Variants in PCGF1 observed in about 807,000 individuals in gnomAD.
The protein encoded by PCGF1 is polycomb group RING finger protein 1.
Under a neutral mutation model 38.8 loss-of-function variants are expected in PCGF1, and 10 were observed. The ratio of observed to expected loss-of-function variants is 0.26; its 90% CI spans 0.16 to 0.44. The LOEUF is 0.44. Among genes scored for constraint, PCGF1 ranks in the 20% least tolerant of loss-of-function variants. PCGF1 has a pLI of 1.00. For synonymous variants in PCGF1, 119 were observed against 121.3 expected (o/e 0.98, Z 0.12); for missense variants, 230 against 331.5 (o/e 0.69, Z 2.38).
chr2:74,505,366 C>T lies in PCGF1; in HGVS notation c.705G>A (p.Gln235=), dbSNP rs1405672895. The change falls in exon 8 of 9, where the codon CAG becomes CAA. Residue 235 remains glutamine (Q), a synonymous_variant. Transcript: ENST00000233630. The part of the protein sequence containing the change: ...EVLPDHMTMK[Q]IWLSRWFGKP... ...TGCCGAACCAGCGGGAGAGCCATAT[C>T]TGCTTCATTGTCATGTGATCAGGGA... 1 of 1,610,502 alleles carries T rather than the reference C, an allele frequency of 6.2e-7. No individual in the cohort carries two copies. Among genetic ancestry groups the T allele is most frequent in the East Asian group, 2.2e-5 (1 of 44,816 alleles).
chr2:74,505,940 CCTT>C lies in PCGF1; in HGVS notation c.530+9_530+11del. ...CACTGTCACCTCCTGCAACCCCTGA[CCTT>C]CTCCTCACCTCAGCCGCTCCAGGCA... On this transcript the variant is annotated intron_variant, in intron 5 of 8. Coordinates refer to ENST00000233630, the MANE Select transcript of PCGF1 (RefSeq NM_032673.3). The C allele has an allele frequency of 2.5e-6, 4 of 1,613,568 alleles. No individual in the cohort carries two copies. The highest frequency in any genetic ancestry group is 1.1e-5 in the South Asian group (1 of 91,050).
chr2:74,505,801 C>T (rs753144657), intron 5 of PCGF1, 31 bp from the exon 6 acceptor site: 1 of 1,613,550 alleles, frequency 6.2e-7, no homozygotes, highest in South Asian at 1.1e-5. Context: ...GTTAGGGAAT[C>T]CTATCTTTCC....
Position 74,506,242 on chromosome 2 carries a change from T to C in PCGF1, c.363A>G (p.Lys121=). The stretch of plus-strand genomic sequence containing the variant: ...GGGACTGGTAGAATTCCCGAATCCG[T>C]TTCTCTTCACCTAGAAGAAGGTGAA... ...LVPGLQDSEE[K]RIREFYQSRG... The change falls in exon 4 of 9, where the codon AAA becomes AAG. Residue 121 remains lysine (K), a synonymous_variant. Transcript: ENST00000233630. 6.2e-7 allele frequency: 1 copy of C among 1,614,070 alleles called. No individual in the cohort carries two copies. The highest frequency in any genetic ancestry group is 8.5e-7 in the Non-Finnish European group (1 of 1,180,022).
At chr2:74,507,402 A>C (rs1004503452) in intron 1 of PCGF1, 174 bp downstream of exon 1, 1 of 1,454,588 alleles carries the variant, frequency 6.9e-7, no homozygotes, top group Non-Finnish European at 9.0e-7. Flanking sequence ...TCGGCGACAC[A>C]ACGCGCAGGC....
chr2:74,507,405 G>C, intron 1 of PCGF1, 171 bp downstream of exon 1: 5 of 1,456,054 alleles, frequency 3.4e-6, no homozygotes, highest in Non-Finnish European at 3.6e-6. Context: ...GCGACACAAC[G>C]CGCAGGCGTC....
At position 74,505,373 on chromosome 2, in the gene PCGF1, A is replaced by G; in HGVS notation, c.698T>C (p.Met233Thr). The G allele has an allele frequency of 6.2e-7, 1 of 1,610,872 alleles. No individual in the cohort carries two copies. The highest frequency in any genetic ancestry group is 1.1e-5 in the South Asian group (1 of 90,474). ...CCAGCGGGAGAGCCATATCTGCTTC[A>G]TTGTCATGTGATCAGGGAGAACTTC... ...DNEVLPDHMT[M>T]KQIWLSRWFG... is the part of the protein sequence containing the mutation. The change falls in exon 8 of 9, where the codon ATG becomes ACG. Residue 233 changes from methionine to threonine, a missense_variant. Met to Thr is a moderately conservative substitution (Grantham distance 81). Around this residue, in one of 3 missense-constraint regions of PCGF1, gnomAD observed 144 missense variants for 182.4 expected, o/e 0.79. Coordinates refer to ENST00000233630, the MANE Select transcript of PCGF1 (RefSeq NM_032673.3).
rs765249786 is a variant in PCGF1 at position 74,505,600 on chromosome 2, G to A, written c.603C>T (p.Arg201=). Residue 201 remains arginine (R), a synonymous_variant, in exon 7 of 9, where the codon CGC becomes CGT. Coordinates refer to ENST00000233630, the MANE Select transcript of PCGF1 (RefSeq NM_032673.3). ...YVRCSVRAEV[R]HLRRVLCHRL... The stretch of plus-strand genomic sequence containing the variant: ...GGTGACACAGGACCCTCCGGAGATG[G>A]CGTACCTCAGCTCTAACAGAACATC... 5.0e-6 allele frequency: 8 copies of A among 1,614,088 alleles called. No individual in the cohort carries two copies. The highest frequency in any genetic ancestry group is 5.9e-6 in the Non-Finnish European group (7 of 1,180,010).
chr2:74,507,505 C>T, intron 1 of PCGF1, 71 bp downstream of exon 1: 1 of 1,534,938 alleles, frequency 6.5e-7, no homozygotes, highest in East Asian at 2.5e-5. Flanking sequence ...CGGCCAGCCA[C>T]CGCCCGTCCT....
chr2:74,506,347 G>A (rs1674634496), intron 3 of PCGF1, 95 bp from the exon 4 acceptor site: 4 of 1,160,774 alleles, frequency 3.4e-6, no homozygotes, highest in Middle Eastern at 2.8e-4. Context: ...GGAGGCAGAG[G>A]TGGGCAGATC....
At chr2:74,506,298 C>T (rs1405601558) in intron 3 of PCGF1, 46 bp from the exon 4 acceptor site, 1 of 1,588,984 alleles carries the variant, frequency 6.3e-7, no homozygotes, top group Admixed American at 1.7e-5. Flanking sequence ...CCCTTCGGGG[C>T]CGGGCGCGGT....
intron 3 of PCGF1, 43 bp from the exon 4 acceptor site, chr2:74,506,295 G>T: frequency 6.3e-7 from 1 of 1,596,344 alleles, no homozygotes; most frequent in Non-Finnish European, 8.6e-7. Context: ...TAGCCCTTCG[G>T]GGCCGGGCGC....
At chr2:74,505,697 T>A in intron 6 of PCGF1, 40 bp downstream of exon 6, 1 of 1,613,750 alleles carries the variant, frequency 6.2e-7, no homozygotes, top group Non-Finnish European at 8.5e-7. Context: ...CCATGGGAGG[T>A]GAGTCTCCTT....
Position 74,506,166 on chromosome 2 carries a change from C to T in PCGF1, c.424+15G>A, listed in dbSNP as rs371438909. ...ATGCTCTGGGGTCTTTACTGTCCCG[C>T]GGCCAAGGACATACCTTCCCCAGTG... On this transcript the variant is annotated intron_variant, in intron 4 of 8. Coordinates refer to ENST00000233630, the MANE Select transcript of PCGF1 (RefSeq NM_032673.3). 16 of 1,613,878 alleles carry T rather than the reference C, an allele frequency of 9.9e-6. No homozygotes were observed. The highest frequency in any genetic ancestry group is 1.7e-5 in the Admixed American group (1 of 60,012).
Position 74,505,918 on chromosome 2 carries a change from T to C in PCGF1, c.530+34A>G, listed in dbSNP as rs148881124. 569 of 1,610,736 alleles carry C rather than the reference T, an allele frequency of 3.5e-4. 1 individual carries two copies. In the African/African-American group the frequency reaches 7.3e-3, roughly 21 times the overall value. On this transcript the variant is annotated intron_variant, in intron 5 of 8. Transcript: ENST00000233630. ...CTCCCTGGCTCTGGGTCATTGGCACTGTCACCTCCTGCAACCCCTGACCTT... is the reference window on the plus strand; with the variant it reads ...CTCCCTGGCTCTGGGTCATTGGCACCGTCACCTCCTGCAACCCCTGACCTT...
rs1047585181 is a variant in PCGF1 at position 74,506,233 on chromosome 2, C to T, written c.372G>A (p.Arg124=). 1.2e-6 allele frequency: 2 copies of T among 1,614,102 alleles called. No individual in the cohort carries two copies. Among genetic ancestry groups the T allele is most frequent in the South Asian group, 1.1e-5 (1 of 91,078 alleles). The change falls in exon 4 of 9, where the codon CGG becomes CGA. Residue 124 remains arginine, a synonymous_variant. Transcript: ENST00000233630. ...CCAAACCTCGGGACTGGTAGAATTC[C>T]CGAATCCGTTTCTCTTCACCTAGAA... ...GLQDSEEKRI[R]EFYQSRGLDR... is the part of the protein sequence containing the mutation.
At position 74,506,029 on chromosome 2, in the gene PCGF1, G is replaced by A; in HGVS notation, c.453C>T (p.Pro151=). ...EEPALSNLGL[P]FSSFDHSKAH... The stretch of plus-strand genomic sequence containing the variant: ...CTTTAGAGTGGTCAAAGCTGCTGAA[G>A]GGGAGGCCGAGGTTGCTCAGTGCTG... The change falls in exon 5 of 9, where the codon CCC becomes CCT. Residue 151 remains proline (P), a synonymous_variant. Coordinates refer to ENST00000233630, the MANE Select transcript of PCGF1 (RefSeq NM_032673.3). The A allele has an allele frequency of 6.2e-7, 1 of 1,614,218 alleles. No individual in the cohort carries two copies. Among genetic ancestry groups the A allele is most frequent in the Non-Finnish European group, 8.5e-7 (1 of 1,180,034 alleles).
In PCGF1 at chr2:74,505,124, T is replaced by TAC; in HGVS notation, c.*18_*19insGT. 1.4e-6 allele frequency: 2 copies of TAC among 1,437,998 alleles called. No individual in the cohort carries two copies. Among genetic ancestry groups the TAC allele is most frequent in the South Asian group, 3.0e-5 (2 of 65,904 alleles). 89.1% of individuals were successfully genotyped at this position (1,437,998 alleles called of 1,614,324 possible). On this transcript the variant is annotated 3_prime_UTR_variant, in exon 9 of 9. Transcript: ENST00000233630. ...ATCTGGGGAGGGAAGGGGAGTGGGA[T>TAC]GGGGTGGGGGCTTGGCCCCTACCTC...
Position 74,505,404 on chromosome 2 carries a change from C to T in PCGF1, c.667G>A (p.Asp223Asn), listed in dbSNP as rs148848478. Residue 223 changes from aspartate (D) to asparagine (N), a missense_variant, in exon 8 of 9, where the codon GAC becomes AAC. Coordinates refer to ENST00000233630, the MANE Select transcript of PCGF1 (RefSeq NM_032673.3). ...LNPQHVQLLF[D>N]NEVLPDHMTM... Reference sequence around the variant, plus strand: ...ATGTGATCAGGGAGAACTTCATTGTCAAAAAGGAGCTGCACCTAGGAGGGA... The same window carrying T: ...ATGTGATCAGGGAGAACTTCATTGTTAAAAAGGAGCTGCACCTAGGAGGGA... 2 of 1,609,834 alleles carry T rather than the reference C, an allele frequency of 1.2e-6. No homozygotes were observed. Among genetic ancestry groups the T allele is most frequent in the Non-Finnish European group, 8.5e-7 (1 of 1,177,750 alleles).
intron 1 of PCGF1, 31 bp downstream of exon 1, chr2:74,507,545 G>A (rs1674671683): frequency 1.3e-6 from 2 of 1,561,680 alleles, no homozygotes; most frequent in South Asian, 1.2e-5. Flanking sequence ...ACCGCTGGCC[G>A]ACCACAGCAG....
Sources: gnomAD v4.1 joint callset for allele counts on GRCh38, gnomAD v4.1.1 for gene constraint, gnomAD v4.1.1 regional missense constraint, MANE v1.5 for transcripts, NCBI Gene and HGNC (gene_info 2026-07-23, HGNC 2026-07-21) for gene names.